RAB27B: variants seen among roughly 807,000 people sequenced by gnomAD.
RAB27B encodes RAB27B, member RAS oncogene family.
In RAB27B, 15 loss-of-function variants were observed where a neutral mutation model predicts 24.6. The ratio of observed to expected loss-of-function variants is 0.61; its 90% CI spans 0.41 to 0.94. The LOEUF (loss-of-function observed/expected upper bound fraction) is 0.94, where lower values mean the gene tolerates loss of function less well. Ranked by LOEUF, RAB27B falls within the 40% of genes least tolerant of loss-of-function variation. The pLI, the probability that RAB27B is intolerant of heterozygous loss-of-function variation, is 0.00. For missense variants in RAB27B, 261 were observed against 266.8 expected (o/e 0.98, Z 0.15); for synonymous variants, 105 against 92.5 (o/e 1.14, Z -0.78).
chr18:54,859,454 A>T (rs911882682), intron 1 of RAB27B, among the ~76,000 whole-genome samples: 16 of 151,582 alleles, frequency 1.1e-4, no homozygotes, highest in African/African-American at 3.6e-4. Flanking sequence ...CAAATATTTC[A>T]TAACTTTTAT....
chr18:54,805,739 A>G (rs987125792), intron 2 of RAB27B, among the ~76,000 whole-genome samples: 7 of 152,228 alleles, frequency 4.6e-5, no homozygotes, highest in African/African-American at 1.4e-4. Context: ...AGGTTAATGC[A>G]TCATTCACCA....
chr18:54,852,951 G>A (rs976818327), intron 1 of RAB27B, among the ~76,000 whole-genome samples: 6 of 152,302 alleles, frequency 3.9e-5, no homozygotes, highest in African/African-American at 9.6e-5. Flanking sequence ...TTTCTGCAGC[G>A]GAGAACGCAA....
At chr18:54,886,065 CA>C (rs1913124253) in intron 4 of RAB27B, among the ~76,000 whole-genome samples, 1 of 152,132 alleles carries the variant, frequency 6.6e-6, no homozygotes, top group South Asian at 2.1e-4. Flanking sequence ...CCACCTCCCA[CA>C]TTGGGGATTA....
chr18:54,856,521 T>G (rs1365380854), intron 1 of RAB27B, among the ~76,000 whole-genome samples: 1 of 152,162 alleles, frequency 6.6e-6, no homozygotes, highest in Non-Finnish European at 1.5e-5. Context: ...GGAGAATGGA[T>G]GGGGCAAAAC....
rs1362656188 is a variant in RAB27B, at chr18:54,841,164, G to T, written c.-20+12464G>T. On this transcript the variant is annotated intron_variant, in intron 1 of 5. Coordinates refer to ENST00000262094, the MANE Select transcript of RAB27B (RefSeq NM_004163.4). ...TCTGTCTTTGGGTGGCGGGGCGGTG[G>T]GGGGTTTGGTGAGAGGGGCGGGAAA... is the stretch of plus-strand genomic sequence containing the variant. 1.4e-4 allele frequency among the ~76,000 whole-genome samples: 17 copies of T among 124,280 alleles called. 1 individual carries two copies. Among genetic ancestry groups the T allele is most frequent in the Non-Finnish European group, 2.5e-4 (14 of 56,482 alleles). The allele number at this position is 124,280 out of a possible 152,430, so 81.5% of individuals were successfully genotyped here. A position where few individuals can be genotyped will look rare whatever the true frequency, so the allele number is the denominator to read the frequency against.
At chr18:54,755,165 G>T (rs905921412) in intron 2 of RAB27B, among the ~76,000 whole-genome samples, 1 of 152,092 alleles carries the variant, frequency 6.6e-6, no homozygotes, top group Non-Finnish European at 1.5e-5. Context: ...CCAGGCAGGC[G>T]GATCACCCGA....
At chr18:54,882,158 C>A (rs1912951418) in intron 3 of RAB27B, among the ~76,000 whole-genome samples, 2 of 152,078 alleles carry the variant, frequency 1.3e-5, no homozygotes, top group Admixed American at 1.3e-4. Flanking sequence ...CATGATGATG[C>A]CCTACAGACA....
intron 2 of RAB27B, among the ~76,000 whole-genome samples, chr18:54,808,074 T>C (rs1909849067): frequency 6.6e-6 from 1 of 152,232 alleles, no homozygotes; most frequent in Non-Finnish European, 1.5e-5. Flanking sequence ...GAAGGTGTCC[T>C]TCATAAACAA....
chr18:54,787,343 G>A (rs1013144625), intron 2 of RAB27B, among the ~76,000 whole-genome samples: 1 of 152,278 alleles, frequency 6.6e-6, no homozygotes, highest in Middle Eastern at 3.4e-3. Flanking sequence ...CAGGAACCAC[G>A]TGGTCTAAAA....
chr18:54,877,662 T>C lies in RAB27B; in HGVS notation c.77T>C (p.Leu26Pro). ...TCAGGGGTGGGGAAGACAACATTTC[T>C]TTATAGATACACAGATAATAAATTC... ...GDSGVGKTTF[L>P]YRYTDNKFNP... The change falls in exon 2 of 6, where the codon CTT (leucine) becomes CCT (proline). Residue 26 changes from leucine (L) to proline (P), a missense_variant. Coordinates refer to ENST00000262094, the MANE Select transcript of RAB27B (RefSeq NM_004163.4). The C allele has an allele frequency of 6.3e-7, 1 of 1,597,972 alleles. No individual in the cohort carries two copies. The highest frequency in any genetic ancestry group is 8.5e-7 in the Non-Finnish European group (1 of 1,175,302).
Position 54,834,573 on chromosome 18 carries a change from A to T in RAB27B, c.-20+5873A>T, listed in dbSNP as rs181651678. 1.6e-4 allele frequency among the ~76,000 whole-genome samples: 25 copies of T among 152,158 alleles called. 1 individual carries two copies. Among genetic ancestry groups the T allele is most frequent in the Non-Finnish European group, 2.4e-4 (16 of 67,962 alleles). On this transcript the variant is annotated intron_variant, in intron 1 of 5. Coordinates refer to ENST00000262094, the MANE Select transcript of RAB27B (RefSeq NM_004163.4). ...TTTTCTTCCTTCCATTTATGTGTCT[A>T]TCCCTCTAGATAGATGATAGGTAGA...
At chr18:54,728,828 A>T (rs1386207083) in intron 2 of RAB27B, among the ~76,000 whole-genome samples, 1 of 137,606 alleles carries the variant, frequency 7.3e-6, no homozygotes, top group African/African-American at 2.7e-5. Context: ...GTGAACCAAG[A>T]TCACACCACT....
chr18:54,758,779 T>A (rs1908089242), intron 2 of RAB27B, among the ~76,000 whole-genome samples: 1 of 152,102 alleles, frequency 6.6e-6, no homozygotes, highest in Non-Finnish European at 1.5e-5. Context: ...TCTAATGAGC[T>A]CTGTAGTATG....
chr18:54,820,954 C>T (rs1316721312), intron 2 of RAB27B, among the ~76,000 whole-genome samples: 3 of 152,122 alleles, frequency 2.0e-5, no homozygotes, highest in Non-Finnish European at 2.9e-5. Flanking sequence ...TCTGAGGGCT[C>T]TGTTCTGTTC....
chr18:54,787,107 C>T (rs1481389528), intron 2 of RAB27B, among the ~76,000 whole-genome samples: 1 of 152,184 alleles, frequency 6.6e-6, no homozygotes, highest in Non-Finnish European at 1.5e-5. Flanking sequence ...TGATAGATAT[C>T]ACCATCTGAA....
chr18:54,813,386 G>C (rs1318423456), intron 2 of RAB27B, among the ~76,000 whole-genome samples: 1 of 152,214 alleles, frequency 6.6e-6, no homozygotes, highest in African/African-American at 2.4e-5. Context: ...ATGTTGAAAT[G>C]TGATCCCCAG....
intron 2 of RAB27B, among the ~76,000 whole-genome samples, chr18:54,730,989 A>G (rs1429476767): frequency 6.6e-6 from 1 of 152,202 alleles, no homozygotes; most frequent in Non-Finnish European, 1.5e-5. Context: ...CTACTGAAGT[A>G]ATAGTCATAT....
chr18:54,805,408 A>G (rs903056047), intron 2 of RAB27B, among the ~76,000 whole-genome samples: 1 of 152,132 alleles, frequency 6.6e-6, no homozygotes, highest in Non-Finnish European at 1.5e-5. Context: ...AAAACTTCAT[A>G]CTTTCCTTTT....
At chr18:54,818,353 T>A (rs568913213) in intron 2 of RAB27B, among the ~76,000 whole-genome samples, 1 of 152,316 alleles carries the variant, frequency 6.6e-6, no homozygotes, top group Non-Finnish European at 1.5e-5. Context: ...TGCATCTATA[T>A]TAATCAATTC....
Sources: allele counts gnomAD v4.1 joint callset (sites outside exome capture counted in the v4.1 genomes callset), GRCh38; gene constraint gnomAD v4.1.1; transcripts MANE v1.5; gene names NCBI Gene and HGNC (gene_info 2026-07-23, HGNC 2026-07-21).